GPR158: variants seen among roughly 807,000 people sequenced by gnomAD.
GPR158 encodes the protein G protein-coupled receptor 158, also known as metabotropic glycine receptor.
In GPR158, 30 loss-of-function variants were observed where a neutral mutation model predicts 78.2. That is an observed-to-expected ratio of 0.38 (90% confidence interval 0.29 to 0.52). The LOEUF (loss-of-function observed/expected upper bound fraction) is 0.52, where lower values mean the gene tolerates loss of function less well. Ranked by LOEUF, GPR158 falls within the 20% of genes least tolerant of loss-of-function variation. The probability of loss-of-function intolerance (pLI) is 0.83; values close to 1 mark genes in which losing one functional copy is unlikely to be tolerated. For synonymous variants in GPR158, 581 were observed against 591.1 expected (o/e 0.98, Z 0.25); for missense variants, 1,463 against 1,523.5 (o/e 0.96, Z 0.66).
chr10:25,391,242 G>A (rs566944456), intron 2 of GPR158, among the ~76,000 whole-genome samples: 50 of 152,200 alleles, frequency 3.3e-4, no homozygotes, highest in South Asian at 2.3e-3. Context: ...CCAACACAGC[G>A]TCCCCACTGG....
intron 2 of GPR158, among the ~76,000 whole-genome samples, chr10:25,366,753 T>A (rs1855730012): frequency 6.6e-6 from 1 of 151,726 alleles, no homozygotes; most frequent in Admixed American, 6.6e-5. Flanking sequence ...CCACTGGTAA[T>A]CACCATTCTA....
At chr10:25,234,128 A>G (rs2130698506) in intron 2 of GPR158, among the ~76,000 whole-genome samples, 1 of 152,268 alleles carries the variant, frequency 6.6e-6, no homozygotes, top group Non-Finnish European at 1.5e-5. Flanking sequence ...CAAGACTGAA[A>G]TGTGTGAGAG....
chr10:25,352,450 GT>G (rs1855488457), intron 2 of GPR158, among the ~76,000 whole-genome samples: 1 of 151,874 alleles, frequency 6.6e-6, no homozygotes, highest in Non-Finnish European at 1.5e-5. Flanking sequence ...TAATATCTTA[GT>G]TTTTAGAACC....
At position 25,175,666 on chromosome 10, in the gene GPR158, G is replaced by T; in HGVS notation, c.246G>T (p.Val82=). The change falls in exon 1 of 11, where the codon GTG becomes GTT. Residue 82 remains valine, a synonymous_variant. Transcript: ENST00000376351. This position sits in a 1 kb window ranked among gnomAD's most constrained non-coding sequence, Gnocchi z 6.4. ...QKLAEEVPMD[V]ASYLYTGDSH... ...TCGCCGAGGAGGTGCCCATGGACGT[G>T]GCCTCTTACCTCTACACCGGGGACT... is the stretch of plus-strand genomic sequence containing the variant. The T allele has an allele frequency of 3.7e-6, 6 of 1,611,504 alleles. No homozygotes were observed. The highest frequency in any genetic ancestry group is 5.1e-6 in the Non-Finnish European group (6 of 1,179,950).
chr10:25,294,657 G>A (rs1280452922), intron 2 of GPR158, among the ~76,000 whole-genome samples: 3 of 152,186 alleles, frequency 2.0e-5, no homozygotes, highest in Non-Finnish European at 4.4e-5. Flanking sequence ...TGATTTGGAT[G>A]TAATCATTTC....
chr10:25,541,585 T>C (rs1836584739), intron 5 of GPR158, among the ~76,000 whole-genome samples: 2 of 146,770 alleles, frequency 1.4e-5, no homozygotes, highest in Admixed American at 1.4e-4. Context: ...TGGTGTAAAG[T>C]AGAAATTCAG....
At chr10:25,398,101 A>T (rs576892510) in intron 3 of GPR158, among the ~76,000 whole-genome samples, 1 of 152,322 alleles carries the variant, frequency 6.6e-6, no homozygotes, top group South Asian at 2.1e-4. Context: ...ATACTCTCAG[A>T]AGAGGACCGT....
At chr10:25,550,387 G>C (rs1402736207) in intron 5 of GPR158, among the ~76,000 whole-genome samples, 1 of 152,106 alleles carries the variant, frequency 6.6e-6, no homozygotes, top group Non-Finnish European at 1.5e-5. Flanking sequence ...TAAATATGGA[G>C]TGGTAGACTG....
At chr10:25,538,982 C>T (rs1179114389) in intron 5 of GPR158, among the ~76,000 whole-genome samples, 1 of 152,172 alleles carries the variant, frequency 6.6e-6, no homozygotes, top group Non-Finnish European at 1.5e-5. Context: ...CGCCTCTTCT[C>T]ATAGAGAGAT....
chr10:25,283,781 TTCAA>T (rs1199894065), intron 2 of GPR158, among the ~76,000 whole-genome samples: 5 of 152,060 alleles, frequency 3.3e-5, no homozygotes, highest in South Asian at 2.1e-4. Flanking sequence ...TTTTGCTGAA[TTCAA>T]TCAATTTTGA....
At chr10:25,409,267 C>A (rs1177182209) in intron 3 of GPR158, among the ~76,000 whole-genome samples, 1 of 152,182 alleles carries the variant, frequency 6.6e-6, no homozygotes, top group East Asian at 1.9e-4. Context: ...CTGTTCTATC[C>A]TCTGCATTTG....
At chr10:25,186,925 A>G (rs532462951) in intron 1 of GPR158, among the ~76,000 whole-genome samples, 1 of 150,226 alleles carries the variant, frequency 6.7e-6, no homozygotes, top group African/African-American at 2.4e-5. Context: ...AACAAAAAAA[A>G]GAGAATTTTA....
intron 2 of GPR158, among the ~76,000 whole-genome samples, chr10:25,365,964 T>C (rs1855716618): frequency 6.6e-6 from 1 of 151,690 alleles, no homozygotes; most frequent in African/African-American, 2.4e-5. Context: ...AAACCTTACA[T>C]AAATAGTATT....
At chr10:25,183,704 G>A (rs1318703968) in intron 1 of GPR158, among the ~76,000 whole-genome samples, 1 of 152,186 alleles carries the variant, frequency 6.6e-6, no homozygotes, top group East Asian at 1.9e-4. Context: ...GATTGGCAAA[G>A]TACCCACTGC....
intron 3 of GPR158, 136 bp from the exon 4 acceptor site, chr10:25,412,114 C>G: frequency 1.5e-6 from 1 of 658,606 alleles, no homozygotes; most frequent in Middle Eastern, 2.6e-4. Context: ...ACTCCTTCCC[C>G]TAGCAAGAGG....
At chr10:25,206,054 C>T (rs565414389) in intron 1 of GPR158, among the ~76,000 whole-genome samples, 20 of 150,344 alleles carry the variant, frequency 1.3e-4, no homozygotes, top group African/African-American at 4.2e-4. Context: ...TGGCACATCT[C>T]GGCTCACTGC....
At chr10:25,182,893 T>C (rs1852630380) in intron 1 of GPR158, among the ~76,000 whole-genome samples, 1 of 152,346 alleles carries the variant, frequency 6.6e-6, no homozygotes, top group Non-Finnish European at 1.5e-5. Context: ...ATTACTAAGA[T>C]AGCACATTTG....
chr10:25,402,741 A>T (rs756447823), intron 3 of GPR158, among the ~76,000 whole-genome samples: 28 of 152,038 alleles, frequency 1.8e-4, no homozygotes, highest in Non-Finnish European at 3.5e-4. Flanking sequence ...AATTTAAATG[A>T]TATCACAGTT....
At chr10:25,345,769 A>G (rs919466909) in intron 2 of GPR158, among the ~76,000 whole-genome samples, 8 of 151,952 alleles carry the variant, frequency 5.3e-5, no homozygotes, top group African/African-American at 1.4e-4. Context: ...TTTTATAGGT[A>G]GGGAAACCAA....
Sources: gnomAD v4.1 joint callset for allele counts (sites outside exome capture counted in the v4.1 genomes callset) on GRCh38, gnomAD v4.1.1 for gene constraint, Gnocchi (gnomAD v3.1) non-coding constraint, MANE v1.5 for transcripts, NCBI Gene and HGNC (gene_info 2026-07-23, HGNC 2026-07-21) for gene names.